Variants in HECW1 observed in about 807,000 individuals in gnomAD.
The protein encoded by HECW1 is E3 ubiquitin-protein ligase HECW1.
HECW1 carries 61 observed loss-of-function variants against 182.3 expected under a neutral mutation model. The ratio of observed to expected loss-of-function variants is 0.33; its 90% CI spans 0.27 to 0.41. The LOEUF (loss-of-function observed/expected upper bound fraction) is 0.41. HECW1 is among the 10% of genes least tolerant of loss of function. HECW1 has a pLI of 1.00. For synonymous variants in HECW1, 859 were observed against 832.6 expected (o/e 1.03, Z -0.55); for missense variants, 1,739 against 2,108.9 (o/e 0.82, Z 3.44).
chr7:43,228,001 G>A (rs899179171), intron 2 of HECW1, among the ~76,000 whole-genome samples: 1 of 152,230 alleles, frequency 6.6e-6, no homozygotes, highest in Non-Finnish European at 1.5e-5. Flanking sequence ...CTAGATGGGT[G>A]TAGAAATAAT....
chr7:43,233,170 T>C lies in HECW1; in HGVS notation c.-31-10705T>C, dbSNP rs1302023144. ...ATATCACATCTGGAAACTCTTAATG[T>C]TTTCATATATATTCAATGTAGAAAC... On this transcript the variant is annotated intron_variant, in intron 2 of 29. Transcript: ENST00000395891. Among the ~76,000 whole-genome samples the C allele has an allele frequency of 2.0e-5, 3 of 152,314 alleles. No homozygotes were observed. The South Asian group carries it at 6.2e-4, about 32-fold the overall frequency.
chr7:43,297,419 A>T (rs1806182081), intron 3 of HECW1, among the ~76,000 whole-genome samples: 1 of 152,174 alleles, frequency 6.6e-6, no homozygotes, highest in Non-Finnish European at 1.5e-5. Context: ...ATGCTGCAAA[A>T]CAATGTCTTC....
chr7:43,123,456 C>A (rs1006106), intron 2 of HECW1, among the ~76,000 whole-genome samples: 96,765 of 151,972 alleles, frequency 0.64, 32,201 homozygotes, highest in African/African-American at 0.85. Flanking sequence ...TGTGACCCTG[C>A]GCTTTGACAT....
chr7:43,319,601 CTTTT>C (rs796502195), intron 4 of HECW1, among the ~76,000 whole-genome samples: 1 of 47,438 alleles, frequency 2.1e-5, no homozygotes, highest in Admixed American at 3.5e-4. Flanking sequence ...CTTTTCTTTT[CTTTT>C]TTTTTTTTTT....
chr7:43,344,926 C>T (rs1029254741), intron 5 of HECW1, among the ~76,000 whole-genome samples: 2 of 151,976 alleles, frequency 1.3e-5, no homozygotes, highest in African/African-American at 4.8e-5. Context: ...TCTTTTTGCT[C>T]GAGTGTTTTA....
At chr7:43,536,162 T>A (rs1211289756) in intron 24 of HECW1, among the ~76,000 whole-genome samples, 1 of 152,224 alleles carries the variant, frequency 6.6e-6, no homozygotes, top group Non-Finnish European at 1.5e-5. Context: ...AAATGTGGGT[T>A]CTTGGTATTT....
At chr7:43,363,161 G>T (rs1397281526) in intron 6 of HECW1, among the ~76,000 whole-genome samples, 1 of 152,198 alleles carries the variant, frequency 6.6e-6, no homozygotes, top group Non-Finnish European at 1.5e-5. Flanking sequence ...TTAAAATTAA[G>T]CAAGAGGCCA....
chr7:43,139,305 A>C (rs554865003), intron 2 of HECW1, among the ~76,000 whole-genome samples: 1 of 152,312 alleles, frequency 6.6e-6, no homozygotes, highest in South Asian at 2.1e-4. Flanking sequence ...GCTGTTGCAA[A>C]TCCTGTAATC....
At chr7:43,431,909 C>T (rs913124511) in intron 8 of HECW1, among the ~76,000 whole-genome samples, 1 of 151,152 alleles carries the variant, frequency 6.6e-6, no homozygotes, top group African/African-American at 2.4e-5. Flanking sequence ...TGGAGTCTCA[C>T]TCTGTCACCC....
chr7:43,251,085 A>T (rs551959288), intron 3 of HECW1, among the ~76,000 whole-genome samples: 1 of 152,162 alleles, frequency 6.6e-6, no homozygotes, highest in East Asian at 1.9e-4. Flanking sequence ...GGCCCTGTGG[A>T]TGCTTCCTCC....
intron 3 of HECW1, among the ~76,000 whole-genome samples, chr7:43,288,390 A>C (rs142945584): frequency 6.6e-6 from 1 of 152,332 alleles, no homozygotes; most frequent in African/African-American, 2.4e-5. Context: ...TTCTCTCTTG[A>C]CATTTTTCTG....
At chr7:43,316,381 G>T (rs1014670627) in intron 4 of HECW1, among the ~76,000 whole-genome samples, 6 of 152,182 alleles carry the variant, frequency 3.9e-5, no homozygotes, top group African/African-American at 1.4e-4. Flanking sequence ...AAGTGTCATA[G>T]GGATTTGCAA....
At chr7:43,509,258 T>C (rs9639877) in intron 24 of HECW1, 137 bp downstream of exon 24, 164,084 of 754,994 alleles carry the variant, frequency 0.22, 18,893 homozygotes, top group South Asian at 0.31. Flanking sequence ...AATGACAGAG[T>C]CCAAGAAGGA....
chr7:43,168,636 G>A (rs1017403815), intron 2 of HECW1, among the ~76,000 whole-genome samples: 12 of 151,856 alleles, frequency 7.9e-5, no homozygotes, highest in Non-Finnish European at 1.6e-4. Context: ...CTTCAGCCTG[G>A]GTGACACAGC....
At chr7:43,382,160 C>A (rs1418058135) in intron 6 of HECW1, among the ~76,000 whole-genome samples, 1 of 152,154 alleles carries the variant, frequency 6.6e-6, no homozygotes, top group Non-Finnish European at 1.5e-5. Flanking sequence ...GTGGTGGGGG[C>A]CTGTAGTCCC....
chr7:43,413,946 TTGG>T (rs1194759236), intron 8 of HECW1, among the ~76,000 whole-genome samples: 1 of 144,890 alleles, frequency 6.9e-6, no homozygotes, highest in Non-Finnish European at 1.5e-5. Flanking sequence ...GGGCTCTTTT[TTGG>T]TTCCATATGA....
chr7:43,153,269 C>T (rs565493960), intron 2 of HECW1, among the ~76,000 whole-genome samples: 1 of 152,206 alleles, frequency 6.6e-6, no homozygotes, highest in African/African-American at 2.4e-5. Context: ...TGTGAAATTA[C>T]TGCTTTTACA....
At position 43,565,802 on chromosome 7, in the gene HECW1, T is replaced by C. The variant is rs1221108966; in HGVS notation, c.*3876T>C. On this transcript the variant is annotated 3_prime_UTR_variant, in exon 30 of 30. Coordinates refer to ENST00000395891, the MANE Select transcript of HECW1 (RefSeq NM_015052.5). ...AATATTGTTCCTTTAGCCTACTTCC[T>C]GCAGCTTCCAATTTATCCAAGGAAA... 1 of 185,758 alleles carries C rather than the reference T, an allele frequency of 5.4e-6. No homozygotes were observed. 11.5% of individuals were successfully genotyped at this position (185,758 alleles called of 1,614,324 possible).
chr7:43,444,460 A>G lies in HECW1; in HGVS notation c.1288A>G (p.Met430Val). ...CATCACGGAGGCAGGAGACCAGGGCATGGTCTCTGTGGGACCTGAAGGGGC... is the reference window on the plus strand; with the variant it reads ...CATCACGGAGGCAGGAGACCAGGGCGTGGTCTCTGTGGGACCTGAAGGGGC... ...AVITEAGDQG[M>V]VSVGPEGAGE... is the part of the protein sequence containing the mutation. Residue 430 changes from methionine (M) to valine (V), a missense_variant, in exon 11 of 30, where the codon ATG becomes GTG. By Grantham distance (21) the Met-to-Val change is conservative. Transcript: ENST00000395891. This position sits in a 1 kb window ranked among gnomAD's most constrained non-coding sequence, Gnocchi z 4.3. 6.2e-7 allele frequency: 1 copy of G among 1,613,612 alleles called. No individual in the cohort carries two copies. Among genetic ancestry groups the G allele is most frequent in the Non-Finnish European group, 8.5e-7 (1 of 1,179,796 alleles).
Sources: gnomAD v4.1 joint callset for allele counts (sites outside exome capture counted in the v4.1 genomes callset) on GRCh38, gnomAD v4.1.1 for gene constraint, Gnocchi (gnomAD v3.1) non-coding constraint, MANE v1.5 for transcripts, NCBI Gene and HGNC (gene_info 2026-07-23, HGNC 2026-07-21) for gene names.